Variants in BTRC observed in about 807,000 individuals in gnomAD.
BTRC encodes the protein F-box/WD repeat-containing protein 1A.
A neutral mutation model predicts 85.5 loss-of-function variants in BTRC; 42 were observed. The observed-to-expected ratio is 0.49, with a 90% CI of 0.38 to 0.64. BTRC has a LOEUF of 0.64. Ranked by LOEUF, BTRC falls within the 30% of genes least tolerant of loss-of-function variation. The probability of loss-of-function intolerance (pLI) is 0.00; values close to 1 mark genes in which losing one functional copy is unlikely to be tolerated. For missense variants in BTRC, 594 were observed against 743.5 expected, an observed-to-expected ratio of 0.80 and a Z score of 2.34; for synonymous variants, 255 against 263.3, an observed-to-expected ratio of 0.97 and a Z score of 0.30.
At chr10:101,459,558 G>C (rs76114299) in intron 2 of BTRC, among the ~76,000 whole-genome samples, 10,127 of 152,146 alleles carry the variant, frequency 0.067, 352 homozygotes, top group Non-Finnish European at 0.074. Flanking sequence ...GGGTTAATCT[G>C]TATTAAAAGA....
chr10:101,506,174 A>G (rs1385373047), intron 4 of BTRC, among the ~76,000 whole-genome samples: 1 of 151,998 alleles, frequency 6.6e-6, no homozygotes, highest in Non-Finnish European at 1.5e-5. Flanking sequence ...CAGCCTCCCA[A>G]AGTGCTGGGG....
intron 2 of BTRC, among the ~76,000 whole-genome samples, chr10:101,439,684 G>C (rs914560439): frequency 1.3e-5 from 2 of 152,164 alleles, no homozygotes; most frequent in Non-Finnish European, 2.9e-5. Context: ...AAAGAGAAGT[G>C]GTGCTGATGG....
intron 4 of BTRC, among the ~76,000 whole-genome samples, chr10:101,481,925 A>G (rs557371398): frequency 6.6e-6 from 1 of 152,336 alleles, no homozygotes; most frequent in Admixed American, 6.5e-5. Flanking sequence ...CCAAATAATC[A>G]GTTGGTCAAT....
intron 4 of BTRC, among the ~76,000 whole-genome samples, chr10:101,488,013 G>A (rs1399089231): frequency 1.3e-5 from 2 of 152,086 alleles, no homozygotes; most frequent in African/African-American, 4.8e-5. Flanking sequence ...ATTCTATCAG[G>A]AGTCATTTGA....
intron 1 of BTRC, among the ~76,000 whole-genome samples, chr10:101,374,794 A>T (rs1027916184): frequency 2.6e-5 from 4 of 152,158 alleles, no homozygotes; most frequent in African/African-American, 4.8e-5. Context: ...AATAAAAAAA[A>T]AAAAAAGAAA....
At chr10:101,364,290 G>GA (rs1942300661) in intron 1 of BTRC, among the ~76,000 whole-genome samples, 1 of 151,868 alleles carries the variant, frequency 6.6e-6, no homozygotes, top group Admixed American at 6.6e-5. Context: ...ATGTTATGTA[G>GA]AAAAAAAGCA....
chr10:101,459,640 C>A (rs1945170696), intron 2 of BTRC, among the ~76,000 whole-genome samples: 1 of 152,104 alleles, frequency 6.6e-6, no homozygotes, highest in South Asian at 2.1e-4. Context: ...TTTAAATATT[C>A]TTTGCCCTAG....
chr10:101,356,188 G>T (rs1248282405), intron 1 of BTRC, among the ~76,000 whole-genome samples: 1 of 152,116 alleles, frequency 6.6e-6, no homozygotes, highest in Non-Finnish European at 1.5e-5. Context: ...TTTTAGTAGA[G>T]TCGGGGTTTC....
chr10:101,548,210 C>G lies in BTRC; in HGVS notation c.1657-2489C>G, dbSNP rs1413103107. 2.0e-5 allele frequency among the ~76,000 whole-genome samples: 3 copies of G among 152,224 alleles called. No individual in the cohort carries two copies. The East Asian group carries it at 5.8e-4, about 29-fold the overall frequency. On this transcript the variant is annotated intron_variant, in intron 13 of 14. Transcript: ENST00000370187. ...TTCTAAAGCCAAACATACACCTACC[C>G]CGTGGCCCAGCAAGTCTACTCCTAG...
chr10:101,498,552 G>A (rs1029711154), intron 4 of BTRC, among the ~76,000 whole-genome samples: 6 of 152,094 alleles, frequency 3.9e-5, no homozygotes, highest in Admixed American at 2.6e-4. Flanking sequence ...GGCCACACAG[G>A]TTAGCACATT....
intron 2 of BTRC, 33 bp from the exon 3 acceptor site, chr10:101,461,948 G>A (rs371336032): frequency 2.7e-6 from 4 of 1,487,508 alleles, no homozygotes; most frequent in Non-Finnish European, 3.7e-6. Context: ...TGAAGATAAT[G>A]AGAACTGAAT....
intron 2 of BTRC, among the ~76,000 whole-genome samples, chr10:101,455,217 AT>A (rs34726129): frequency 0.31 from 43,422 of 141,202 alleles, 7,292 homozygotes; most frequent in Middle Eastern, 0.47. Flanking sequence ...TGCCCAGCTA[AT>A]TTTTTTTTTT....
chr10:101,509,278 A>G (rs1475837448), intron 4 of BTRC, among the ~76,000 whole-genome samples: 64 of 109,468 alleles, frequency 5.8e-4, no homozygotes, highest in Non-Finnish European at 9.3e-4. Context: ...TTTTTGAGAC[A>G]GAGTCTCGCT....
At position 101,533,043 on chromosome 10, in the gene BTRC, T is replaced by A; in HGVS notation, c.1070T>A (p.Ile357Lys). 1 of 1,612,728 alleles carries A rather than the reference T, an allele frequency of 6.2e-7. No individual in the cohort carries two copies. The highest frequency in any genetic ancestry group is 8.5e-7 in the Non-Finnish European group (1 of 1,178,946). Residue 357 changes from isoleucine to lysine, a missense_variant, in exon 9 of 15, where the codon ATA becomes AAA. Around this residue, in one of 4 missense-constraint regions of BTRC, gnomAD observed 373 missense variants for 503.6 expected, o/e 0.74. Coordinates refer to ENST00000370187, the MANE Select transcript of BTRC (RefSeq NM_033637.4). ...LCLQYDERVI[I>K]TGSSDSTVRV... ...CTCCAGTATGATGAGAGAGTGATCA[T>A]AACAGGATCATCGGATTCCACGGTC...
intron 1 of BTRC, among the ~76,000 whole-genome samples, chr10:101,407,255 G>A (rs1184995109): frequency 6.6e-6 from 1 of 152,150 alleles, no homozygotes; most frequent in Non-Finnish European, 1.5e-5. Flanking sequence ...GGCTGAGGCA[G>A]GAGGATCTCT....
chr10:101,421,043 C>G (rs1369127142), intron 1 of BTRC, among the ~76,000 whole-genome samples: 2 of 150,310 alleles, frequency 1.3e-5, no homozygotes, highest in Non-Finnish European at 3.0e-5. Flanking sequence ...GATTTCTGAA[C>G]TTGGTTACTC....
At chr10:101,422,298 A>G (rs980730583) in intron 1 of BTRC, among the ~76,000 whole-genome samples, 4 of 151,960 alleles carry the variant, frequency 2.6e-5, no homozygotes, top group Non-Finnish European at 5.9e-5. Flanking sequence ...CATATCCTTC[A>G]CCCACTTGTT....
chr10:101,362,717 TTAATACAG>T (rs1169372881), intron 1 of BTRC, among the ~76,000 whole-genome samples: 3 of 152,174 alleles, frequency 2.0e-5, no homozygotes, highest in Admixed American at 2.0e-4. Context: ...TTGTGTTTTG[TTAATACAG>T]TCAGCCACGA....
At chr10:101,527,817 C>A (rs972487633) in intron 6 of BTRC, among the ~76,000 whole-genome samples, 36 of 151,816 alleles carry the variant, frequency 2.4e-4, no homozygotes, top group African/African-American at 8.2e-4. Context: ...CACACACACA[C>A]ACAAAAGAAT....
Sources: gnomAD v4.1 joint callset for allele counts (sites outside exome capture counted in the v4.1 genomes callset) on GRCh38, gnomAD v4.1.1 for gene constraint, gnomAD v4.1.1 regional missense constraint, MANE v1.5 for transcripts, NCBI Gene and HGNC (gene_info 2026-07-23, HGNC 2026-07-21) for gene names.